The following CECR2 variants were observed in gnomAD, a reference collection of about 807,000 sequenced individuals.
CECR2 encodes the protein chromatin remodeling regulator CECR2.
CECR2 carries 30 observed loss-of-function variants against 154.5 expected under a neutral mutation model. The observed-to-expected ratio is 0.19, with a 90% CI of 0.15 to 0.26. CECR2 has a LOEUF of 0.26. CECR2 is among the 10% of genes least tolerant of loss of function. The pLI is 1.00. For synonymous variants in CECR2, 725 were observed against 683.7 expected (o/e 1.06, Z -0.94); for missense variants, 1,743 against 1,829.3 (o/e 0.95, Z 0.86).
rs189378902 is a variant in CECR2, at chr22:17,474,123, G to T, written c.127-3465G>T. Among the ~76,000 whole-genome samples the T allele has an allele frequency of 8.8e-4, 134 of 152,184 alleles. 2 individuals are homozygous for T. In the East Asian group the frequency reaches 0.021, roughly 24 times the overall value. ...CTCCAGGGGTTCGTCACCTATTCTT[G>T]GTTCTCATCTTTACTGATTCTGCAT... On this transcript the variant is annotated intron_variant, in intron 1 of 18. Transcript: ENST00000262608.
chr22:17,485,644 C>T (rs2055408006), intron 2 of CECR2, among the ~76,000 whole-genome samples: 3 of 152,044 alleles, frequency 2.0e-5, no homozygotes, highest in Non-Finnish European at 4.4e-5. Flanking sequence ...TACAGTGGCG[C>T]ACACCTGTAG....
chr22:17,497,520 G>A lies in CECR2; in HGVS notation c.339G>A (p.Arg113=), dbSNP rs1009969146. Residue 113 remains arginine, a synonymous_variant, in exon 3 of 19, where the codon CGG becomes CGA. Coordinates refer to ENST00000262608, the MANE Select transcript of CECR2 (RefSeq NM_001290047.2). ...TCCAGGACCTGCCTCTTCGCACACG[G>A]GTGGAGATCCTGCACCGACTCTGTG... is the stretch of plus-strand genomic sequence containing the variant. ...ASFQDLPLRT[R]VEILHRLCDY... 27 of 1,613,932 alleles carry A rather than the reference G, an allele frequency of 1.7e-5. No individual in the cohort carries two copies. The highest frequency in any genetic ancestry group is 2.1e-5 in the Non-Finnish European group (25 of 1,179,896).
At chr22:17,445,750 G>T (rs963322848) in intron 1 of CECR2, among the ~76,000 whole-genome samples, 2 of 151,670 alleles carry the variant, frequency 1.3e-5, no homozygotes, top group African/African-American at 2.4e-5. Context: ...GCACCACCAT[G>T]CCTGGCTAAT....
chr22:17,458,098 G>A (rs1275840976), intron 1 of CECR2, among the ~76,000 whole-genome samples: 1 of 152,072 alleles, frequency 6.6e-6, no homozygotes, highest in African/African-American at 2.4e-5. Flanking sequence ...GGGGGTGGCT[G>A]CATGACTCAA....
chr22:17,461,202 CT>C (rs968881314), intron 1 of CECR2, among the ~76,000 whole-genome samples: 3 of 152,222 alleles, frequency 2.0e-5, no homozygotes, highest in Non-Finnish European at 2.9e-5. Flanking sequence ...CTTCTCTTCT[CT>C]TTCTCTGTTG....
At chr22:17,475,218 A>T (rs1485526022) in intron 1 of CECR2, among the ~76,000 whole-genome samples, 1 of 152,148 alleles carries the variant, frequency 6.6e-6, no homozygotes, top group Non-Finnish European at 1.5e-5. Context: ...ATTTCCACCT[A>T]GGGAGAATGG....
At chr22:17,474,787 A>G (rs2055182095) in intron 1 of CECR2, among the ~76,000 whole-genome samples, 1 of 152,018 alleles carries the variant, frequency 6.6e-6, no homozygotes. Flanking sequence ...CTCCTTGAAA[A>G]CACCCTCCCA....
intron 4 of CECR2, 145 bp downstream of exon 4, chr22:17,499,694 T>G: frequency 1.2e-6 from 1 of 815,184 alleles, no homozygotes; most frequent in Non-Finnish European, 1.8e-6. Context: ...AGGAGATACT[T>G]CATGCAAAAA....
intron 1 of CECR2, among the ~76,000 whole-genome samples, chr22:17,455,663 G>T (rs770478228): frequency 4.6e-5 from 7 of 152,220 alleles, no homozygotes; most frequent in Non-Finnish European, 1.0e-4. Flanking sequence ...GCCCATGCAG[G>T]AGTGCAGTGG....
rs560208810 is a variant in CECR2 at position 17,461,941 on chromosome 22, C to T, written c.127-15647C>T. On this transcript the variant is annotated intron_variant, in intron 1 of 18. Transcript: ENST00000262608. ...CTCAGCAGCTGGGACTACAGGTGCG[C>T]ACCACCAAACCCGGCTAATTTTTTT... Among the ~76,000 whole-genome samples, 14 of 151,930 alleles carry T rather than the reference C, an allele frequency of 9.2e-5. No homozygotes were observed. The South Asian group carries it at 1.5e-3, about 16-fold the overall frequency.
chr22:17,546,477 C>A (rs1463916243), intron 16 of CECR2, among the ~76,000 whole-genome samples: 22 of 129,214 alleles, frequency 1.7e-4, no homozygotes, highest in Admixed American at 5.6e-4. Context: ...CAGAGCGAGA[C>A]TCTGTCTCAA....
intron 1 of CECR2, among the ~76,000 whole-genome samples, chr22:17,395,116 T>TA (rs2053788530): frequency 6.6e-6 from 1 of 152,234 alleles, no homozygotes; most frequent in Non-Finnish European, 1.5e-5. Context: ...ACCCCATCCC[T>TA]ACTCTGGTCT....
intron 1 of CECR2, among the ~76,000 whole-genome samples, chr22:17,400,325 T>C (rs2053873122): frequency 6.6e-6 from 1 of 152,184 alleles, no homozygotes; most frequent in Admixed American, 6.6e-5. Context: ...AACAAAGCTG[T>C]CTGGGAAGGG....
At chr22:17,547,476 C>T (rs569205273) in intron 16 of CECR2, among the ~76,000 whole-genome samples, 5 of 152,218 alleles carry the variant, frequency 3.3e-5, no homozygotes, top group Non-Finnish European at 7.4e-5. Context: ...GTGATCTGCC[C>T]GCCTCGGCCT....
At chr22:17,406,531 C>G (rs1395819747) in intron 1 of CECR2, among the ~76,000 whole-genome samples, 1 of 152,088 alleles carries the variant, frequency 6.6e-6, no homozygotes, top group Non-Finnish European at 1.5e-5. Context: ...GTTCCTCCCC[C>G]CACCCCTCCC....
intron 1 of CECR2, among the ~76,000 whole-genome samples, chr22:17,379,555 A>G (rs961440295): frequency 1.3e-5 from 2 of 150,454 alleles, no homozygotes; most frequent in Non-Finnish European, 3.0e-5. Context: ...TGACCAGGTC[A>G]AAAGTTCAGT....
At chr22:17,438,551 G>T (rs139266295) in intron 1 of CECR2, among the ~76,000 whole-genome samples, 50 of 152,174 alleles carry the variant, frequency 3.3e-4, no homozygotes, top group African/African-American at 1.2e-3. Context: ...CCCGCAGGCC[G>T]CCTGCAGCCC....
At chr22:17,543,712 A>C (rs942265895) in intron 16 of CECR2, among the ~76,000 whole-genome samples, 1 of 151,742 alleles carries the variant, frequency 6.6e-6, no homozygotes. Context: ...GATGCATGCC[A>C]CCACACCCGG....
chr22:17,414,068 G>T (rs2054111407), intron 1 of CECR2, among the ~76,000 whole-genome samples: 1 of 151,350 alleles, frequency 6.6e-6, no homozygotes, highest in Non-Finnish European at 1.5e-5. Context: ...CGCCTCCCAG[G>T]TTCACGCCAT....
Sources: allele counts gnomAD v4.1 joint callset (sites outside exome capture counted in the v4.1 genomes callset), GRCh38; gene constraint gnomAD v4.1.1; transcripts MANE v1.5; gene names NCBI Gene and HGNC (gene_info 2026-07-23, HGNC 2026-07-21).